CTBP1: variants seen among roughly 807,000 people sequenced by gnomAD.
CTBP1 encodes the protein C-terminal-binding protein 1.
CTBP1 carries 11 observed loss-of-function variants against 42.1 expected under a neutral mutation model. The observed-to-expected ratio is 0.26, with a 90% CI of 0.16 to 0.43. CTBP1 has a LOEUF of 0.43. Among genes scored for constraint, CTBP1 ranks in the 20% least tolerant of loss-of-function variants. CTBP1 has a pLI of 1.00. For missense variants in CTBP1, 399 were observed against 624.3 expected, an observed-to-expected ratio of 0.64 and a Z score of 3.85; for synonymous variants, 324 against 277.1, an observed-to-expected ratio of 1.17 and a Z score of -1.68.
intron 5 of CTBP1, chr4:1,221,420 G>GT (rs1431295897): frequency 1.3e-5 from 2 of 154,252 alleles, no homozygotes; most frequent in East Asian, 1.9e-4. Context: ...CCCAAGAGAC[G>GT]TGAGTCTATG....
rs377376974 is a variant in CTBP1 at position 1,228,713 on chromosome 4, AC to A, written c.163-371del. ...AGAAACGGGGTCCCGCCTGGCGAGGACACAGGAGGGGGGGTGCGGCCACACC... is the reference window on the plus strand; with the variant it reads ...AGAAACGGGGTCCCGCCTGGCGAGGAACAGGAGGGGGGGTGCGGCCACACC... On this transcript the variant is annotated intron_variant, in intron 3 of 9. Coordinates refer to ENST00000382952, the MANE Select transcript of CTBP1 (RefSeq NM_001012614.2). Among the ~76,000 whole-genome samples the A allele has an allele frequency of 6.9e-3, 434 of 62,718 alleles. 1 individual carries two copies. The highest frequency in any genetic ancestry group is 0.015 in the African/African-American group (402 of 26,350). 41.1% of individuals were successfully genotyped at this position (62,718 alleles called of 152,430 possible).
intron 4 of CTBP1, 73 bp from the exon 5 acceptor site, chr4:1,225,639 A>C: frequency 7.0e-7 from 1 of 1,435,210 alleles, no homozygotes; most frequent in Non-Finnish European, 9.3e-7. Flanking sequence ...GGCCGCCGTG[A>C]CTGGAGCGGG....
intron 9 of CTBP1, 166 bp from the exon 10 acceptor site, chr4:1,212,589 C>T (rs1319967569): frequency 5.9e-6 from 4 of 683,624 alleles, no homozygotes; most frequent in Admixed American, 6.8e-5. Context: ...GCAGCTACTT[C>T]TCAGGGCTGG....
intron 3 of CTBP1, chr4:1,236,506 T>C (rs951373807): frequency 1.8e-5 from 11 of 596,590 alleles, no homozygotes; most frequent in East Asian, 5.6e-5. Context: ...AAACTGAAAA[T>C]GAATCAAGAA....
At chr4:1,213,315 C>A (rs1256142835) in intron 8 of CTBP1, among the ~76,000 whole-genome samples, 163 bp downstream of exon 8, 1 of 152,218 alleles carries the variant, frequency 6.6e-6, no homozygotes. Flanking sequence ...CAGGGCTCAA[C>A]TTGACTTTGG....
At chr4:1,249,759 C>G, upstream of CTBP1, 1 of 344,050 alleles carries the variant, frequency 2.9e-6, no homozygotes, top group Non-Finnish European at 6.0e-6. Flanking sequence ...CTGCCCGGCC[C>G]GGGAAGTTCA....
intron 4 of CTBP1, among the ~76,000 whole-genome samples, chr4:1,226,240 T>C (rs1325867264): frequency 6.6e-6 from 1 of 151,970 alleles, no homozygotes; most frequent in Non-Finnish European, 1.5e-5. Context: ...CTGAGCCTAT[T>C]TACCCTCATC....
intron 1 of CTBP1, among the ~76,000 whole-genome samples, chr4:1,248,421 C>A (rs1732980798): frequency 6.6e-6 from 1 of 151,054 alleles, no homozygotes; most frequent in Admixed American, 6.6e-5. Context: ...CCGGCGGCCT[C>A]CCCGCGGGAG....
At chr4:1,243,356 G>T in intron 1 of CTBP1, 1 of 985,394 alleles carries the variant, frequency 1.0e-6, no homozygotes, top group Non-Finnish European at 1.2e-6. Context: ...CTGTGGCAGG[G>T]CTCCTGGGGC....
Position 1,216,512 on chromosome 4 carries a change from T to A in CTBP1, c.515-307A>T, listed in dbSNP as rs1729132588. 11 of 538,362 alleles carry A rather than the reference T, an allele frequency of 2.0e-5. 1 individual carries two copies. In the South Asian group the frequency reaches 2.2e-4, roughly 11 times the overall value. The allele number at this position is 538,362 out of a possible 1,614,324, so 33.3% of individuals were successfully genotyped here. On this transcript the variant is annotated intron_variant, in intron 5 of 9. Coordinates refer to ENST00000382952, the MANE Select transcript of CTBP1 (RefSeq NM_001012614.2). Reference sequence around the variant, plus strand: ...GTCCACAGGACGTGACATGAACCACTCAGTGTCAAACGGACTGGTCAGTGG... The same window carrying A: ...GTCCACAGGACGTGACATGAACCACACAGTGTCAAACGGACTGGTCAGTGG...
At chr4:1,234,280 T>C (rs1731260944) in intron 3 of CTBP1, among the ~76,000 whole-genome samples, 1 of 152,252 alleles carries the variant, frequency 6.6e-6, no homozygotes, top group African/African-American at 2.4e-5. Context: ...CCTGTTTTTA[T>C]GAGATTTTCA....
intron 1 of CTBP1, 166 bp downstream of exon 1, chr4:1,248,750 C>A (rs1210390860): frequency 3.1e-6 from 3 of 978,794 alleles, no homozygotes; most frequent in Non-Finnish European, 3.6e-6. Context: ...CGCGGTCCCG[C>A]CCCCGACCGC....
chr4:1,212,612 T>C, intron 9 of CTBP1, 189 bp from the exon 10 acceptor site: 1 of 628,246 alleles, frequency 1.6e-6, no homozygotes, highest in Non-Finnish European at 2.7e-6. Flanking sequence ...AGGGGAGCCC[T>C]GGTGTCTCCA....
chr4:1,223,742 G>A (rs760353427), intron 5 of CTBP1, among the ~76,000 whole-genome samples: 6 of 145,212 alleles, frequency 4.1e-5, no homozygotes, highest in African/African-American at 5.0e-5. Context: ...CCTCCCTCAC[G>A]GGGCCCCTCA....
chr4:1,233,568 G>A lies in CTBP1; in HGVS notation c.162+4615C>T, dbSNP rs1356415933. ...GCTCAGCAGTTTGATCAGATGTGCA[G>A]TGCTGGGCTGAAAACCCTTCTCCTG... On this transcript the variant is annotated intron_variant, in intron 3 of 9. Coordinates refer to ENST00000382952, the MANE Select transcript of CTBP1 (RefSeq NM_001012614.2). The surrounding 1 kb of genome is among the most constrained non-coding windows in gnomAD (Gnocchi z 4.6). 6.6e-6 allele frequency among the ~76,000 whole-genome samples: 1 copy of A among 152,132 alleles called. No homozygotes were observed. The highest frequency in any genetic ancestry group is 6.5e-5 in the Admixed American group (1 of 15,276).
chr4:1,215,939 C>A (rs1053424484), intron 6 of CTBP1, 52 bp downstream of exon 6: 3 of 1,544,354 alleles, frequency 1.9e-6, no homozygotes, highest in Non-Finnish European at 2.6e-6. Context: ...CTGACACCCC[C>A]ACCTGTACCT....
rs1306721232 is a variant in CTBP1 at position 1,223,662 on chromosome 4, A to G, written c.514+1698T>C. On this transcript the variant is annotated intron_variant, in intron 5 of 9. Coordinates refer to ENST00000382952, the MANE Select transcript of CTBP1 (RefSeq NM_001012614.2). ...TGTCCAGGGAGTCTTCAGAAAAGGT[A>G]CACCACCCCCGCCCACCCTCTCAGG... 1.4e-5 allele frequency: 5 copies of G among 360,484 alleles called. No homozygotes were observed. The Admixed American group carries it at 1.8e-4, about 13-fold the overall frequency. 22.3% of individuals were successfully genotyped at this position (360,484 alleles called of 1,614,324 possible).
At position 1,238,430 on chromosome 4, in the gene CTBP1, G is replaced by T; in HGVS notation, c.8-93C>A. On this transcript the variant is annotated intron_variant, in intron 2 of 9. Coordinates refer to ENST00000382952, the MANE Select transcript of CTBP1 (RefSeq NM_001012614.2). The surrounding 1 kb of genome is among the most constrained non-coding windows in gnomAD (Gnocchi z 5.9). The stretch of plus-strand genomic sequence containing the variant: ...CACCCACTGTGCACGGGCCAACGAG[G>T]GCCGACCGCCGGGGGTTTTCTGGTC... The T allele has an allele frequency of 7.0e-7, 1 of 1,433,626 alleles. No individual in the cohort carries two copies. Among genetic ancestry groups the T allele is most frequent in the Middle Eastern group, 2.0e-4 (1 of 4,898 alleles). 88.8% of individuals were successfully genotyped at this position (1,433,626 alleles called of 1,614,324 possible). A position where few individuals can be genotyped will look rare whatever the true frequency, so the allele number is the denominator to read the frequency against.
intron 1 of CTBP1, chr4:1,241,801 A>C (rs1577075838): frequency 2.5e-6 from 3 of 1,176,638 alleles, no homozygotes; most frequent in Admixed American, 3.8e-5. Context: ...GGCTGCGGCC[A>C]CCCCCACAGG....
Sources: gnomAD v4.1 joint callset for allele counts (sites outside exome capture counted in the v4.1 genomes callset) on GRCh38, gnomAD v4.1.1 for gene constraint, Gnocchi (gnomAD v3.1) non-coding constraint, MANE v1.5 for transcripts, NCBI Gene and HGNC (gene_info 2026-07-23, HGNC 2026-07-21) for gene names.